Variants in OCIAD2 observed in about 807,000 individuals in gnomAD.
The protein encoded by OCIAD2 is OCIA domain containing 2.
In OCIAD2, 29 loss-of-function variants were observed where a neutral mutation model predicts 22.9. That is an observed-to-expected ratio of 1.27 (90% CI 0.94 to 1.73). The LOEUF (loss-of-function observed/expected upper bound fraction) is 1.73, where lower values mean the gene tolerates loss of function less well. Ranked by LOEUF, OCIAD2 falls within the 40% of genes most tolerant of loss-of-function variation. The pLI, the probability that OCIAD2 is intolerant of heterozygous loss-of-function variation, is 0.00. For missense variants in OCIAD2, 189 were observed against 180.3 expected, an observed-to-expected ratio of 1.05 and a Z score of -0.28; for synonymous variants, 67 against 60.2, an observed-to-expected ratio of 1.11 and a Z score of -0.52.
At position 48,885,557 on chromosome 4, in the gene OCIAD2, A is replaced by G; in HGVS notation, c.392T>C (p.Leu131Pro). Residue 131 changes from leucine to proline, a missense_variant, in exon 7 of 7, where the codon CTC becomes CCC. Transcript: ENST00000508632. Reference sequence around the variant, plus strand: ...TATTTTGCATTCCTCACAGGTAAGGAGGCAGTGCCTAGAAGAGAAGCAAAA... The same window carrying G: ...TATTTTGCATTCCTCACAGGTAAGGGGGCAGTGCCTAGAAGAGAAGCAAAA... ...GFGPQHNRHC[L>P]LTCEECKIKH... is the part of the protein sequence containing the mutation. The G allele has an allele frequency of 1.2e-6, 2 of 1,602,260 alleles. No individual in the cohort carries two copies. Among genetic ancestry groups the G allele is most frequent in the Non-Finnish European group, 1.7e-6 (2 of 1,169,256 alleles).
chr4:48,903,374 T>C lies in OCIAD2; in HGVS notation c.66+1110A>G, dbSNP rs7684655. Among the ~76,000 whole-genome samples the C allele has an allele frequency of 3.1e-3, 474 of 152,154 alleles. 1 individual carries two copies. The highest frequency in any genetic ancestry group is 0.011 in the African/African-American group (444 of 41,508). On this transcript the variant is annotated intron_variant, in intron 2 of 6. Transcript: ENST00000508632. ...AAATGTAAAAAAATAAGCAAAATATTGCCTGTAATCTCAGCACTTTGGGAG... is the reference window on the plus strand; with the variant it reads ...AAATGTAAAAAAATAAGCAAAATATCGCCTGTAATCTCAGCACTTTGGGAG...
At chr4:48,905,838 G>A (rs912066150) in intron 1 of OCIAD2, among the ~76,000 whole-genome samples, 16 of 152,146 alleles carry the variant, frequency 1.1e-4, no homozygotes, top group Non-Finnish European at 1.9e-4. Flanking sequence ...AGTTCAAATC[G>A]TGACTCTTTA....
In OCIAD2 at chr4:48,899,832, T is replaced by G. The variant is rs1781377820; in HGVS notation, c.160A>C (p.Arg54=). The change falls in exon 3 of 7, where the codon AGA becomes CGA. Residue 54 remains arginine, a synonymous_variant. Transcript: ENST00000508632. The part of the protein sequence containing the change: ...RECQEESFWK[R]ALPFSLVSML... ...ATACAGTGTTAGGTGCAATTACCTC[T>G]CTTCCAGAAACTTTCTTCCTGACAT... 8.1e-6 allele frequency: 13 copies of G among 1,610,462 alleles called. No homozygotes were observed. Among genetic ancestry groups the G allele is most frequent in the Non-Finnish European group, 1.1e-5 (13 of 1,177,332 alleles).
At chr4:48,906,337 C>G (rs2290516) in intron 1 of OCIAD2, among the ~76,000 whole-genome samples, 1 of 151,870 alleles carries the variant, frequency 6.6e-6, no homozygotes, top group African/African-American at 2.4e-5. Context: ...GCATGGGGGG[C>G]GGGGGTGCTT....
Position 48,888,139 on chromosome 4 carries a change from C to T in OCIAD2, c.384-2574G>A, listed in dbSNP as rs1303375775. Reference sequence around the variant, plus strand: ...TCACTCATGATTTGGCTCTCTGTTGCTTGTTGTTGGTGTATAAGAATGCTT... The same window carrying T: ...TCACTCATGATTTGGCTCTCTGTTGTTTGTTGTTGGTGTATAAGAATGCTT... On this transcript the variant is annotated intron_variant, in intron 6 of 6. Transcript: ENST00000508632. Among the ~76,000 whole-genome samples, 8 of 151,968 alleles carry T rather than the reference C, an allele frequency of 5.3e-5. No individual in the cohort carries two copies. In the East Asian group the frequency reaches 1.2e-3, roughly 22 times the overall value.
At chr4:48,894,439 G>A (rs1161242772) in intron 4 of OCIAD2, among the ~76,000 whole-genome samples, 3 of 152,230 alleles carry the variant, frequency 2.0e-5, no homozygotes, top group Non-Finnish European at 2.9e-5. Flanking sequence ...GTTGCAGTGA[G>A]CTGAGATGGC....
intron 6 of OCIAD2, among the ~76,000 whole-genome samples, chr4:48,886,360 C>A (rs1227205974): frequency 6.6e-6 from 1 of 152,190 alleles, no homozygotes; most frequent in African/African-American, 2.4e-5. Flanking sequence ...AATTATTACA[C>A]TTTAAGTTTT....
At chr4:48,896,356 G>A (rs1436229298) in intron 4 of OCIAD2, among the ~76,000 whole-genome samples, 2 of 152,068 alleles carry the variant, frequency 1.3e-5, no homozygotes, top group Non-Finnish European at 2.9e-5. Flanking sequence ...TTGGGAGGCT[G>A]AGGTGGGAGG....
intron 1 of OCIAD2, among the ~76,000 whole-genome samples, chr4:48,905,668 C>T (rs1781509350): frequency 1.3e-5 from 2 of 152,180 alleles, no homozygotes; most frequent in East Asian, 3.9e-4. Flanking sequence ...CAAAATGAAC[C>T]TCTTATATAC....
chr4:48,885,517 A>C lies in OCIAD2; in HGVS notation c.432T>G (p.Ser144Arg), dbSNP rs775207469. The change falls in exon 7 of 7, where the codon AGT (serine) becomes AGG (arginine). Residue 144 changes from serine (S) to arginine (R), a missense_variant. Physicochemically the swap from Ser to Arg is moderately radical, Grantham distance 110 (BLOSUM62 -1). Coordinates refer to ENST00000508632, the MANE Select transcript of OCIAD2 (RefSeq NM_001014446.3). ...CEECKIKHGL[S>R]EKGDSQPSAS ...CTGAAGGCTGAGAGTCTCCCTTCTC[A>C]CTTAATCCATGCTTTATTTTGCATT... is the stretch of plus-strand genomic sequence containing the variant. The C allele has an allele frequency of 1.2e-6, 2 of 1,611,688 alleles. No homozygotes were observed. Among genetic ancestry groups the C allele is most frequent in the East Asian group, 4.5e-5 (2 of 44,862 alleles).
In OCIAD2 at chr4:48,904,708, G is replaced by GT. The variant is rs1270350924; in HGVS notation, c.-62-98dup. 21 of 696,874 alleles carry GT rather than the reference G, an allele frequency of 3.0e-5. No homozygotes were observed. In the East Asian group the frequency reaches 5.1e-4, roughly 17 times the overall value. The allele number at this position is 696,874 out of a possible 1,614,324, so 43.2% of individuals were successfully genotyped here. A position where few individuals can be genotyped will look rare whatever the true frequency, so the allele number is the denominator to read the frequency against. Reference sequence around the variant, plus strand: ...TCCACTGGAGTTATTTGGAAAATGTGTTTTTCCTTTTGTCATTAGTCCATC... The same window carrying GT: ...TCCACTGGAGTTATTTGGAAAATGTGTTTTTTCCTTTTGTCATTAGTCCATC... On this transcript the variant is annotated intron_variant, in intron 1 of 6. Transcript: ENST00000508632.
chr4:48,885,365 G>T lies in OCIAD2; in HGVS notation c.*119C>A. ...AGCCTTCCACGGAATACATTTCAGT[G>T]AGTGACAGACACAATGTTTTTGTTC... On this transcript the variant is annotated 3_prime_UTR_variant, in exon 7 of 7. Coordinates refer to ENST00000508632, the MANE Select transcript of OCIAD2 (RefSeq NM_001014446.3). The T allele has an allele frequency of 1.4e-6, 1 of 710,344 alleles. No homozygotes were observed. The highest frequency in any genetic ancestry group is 2.5e-6 in the Non-Finnish European group (1 of 392,740). 44.0% of individuals were successfully genotyped at this position (710,344 alleles called of 1,614,324 possible). A position where few individuals can be genotyped will look rare whatever the true frequency, so the allele number is the denominator to read the frequency against.
chr4:48,887,656 G>A (rs1296756003), intron 6 of OCIAD2, among the ~76,000 whole-genome samples: 1 of 152,138 alleles, frequency 6.6e-6, no homozygotes, highest in Admixed American at 6.5e-5. Flanking sequence ...TAGATATGCG[G>A]CATTATTTCT....
At chr4:48,886,360 C>G (rs1227205974) in intron 6 of OCIAD2, among the ~76,000 whole-genome samples, 1 of 152,190 alleles carries the variant, frequency 6.6e-6, no homozygotes, top group Non-Finnish European at 1.5e-5. Context: ...AATTATTACA[C>G]TTTAAGTTTT....
intron 4 of OCIAD2, 75 bp downstream of exon 4, chr4:48,897,729 C>T: frequency 8.9e-7 from 1 of 1,119,530 alleles, no homozygotes. Flanking sequence ...ATGTCAAGGG[C>T]CAAAAAGCTG....
chr4:48,888,884 A>G (rs1781076476), intron 6 of OCIAD2, among the ~76,000 whole-genome samples: 1 of 151,984 alleles, frequency 6.6e-6, no homozygotes, highest in Non-Finnish European at 1.5e-5. Context: ...CTCTTTTTCT[A>G]TTGATTGGAA....
Position 48,904,588 on chromosome 4 carries a change from T to C in OCIAD2, c.-39A>G, listed in dbSNP as rs751923472. On this transcript the variant is annotated 5_prime_UTR_variant, in exon 2 of 7. Coordinates refer to ENST00000508632, the MANE Select transcript of OCIAD2 (RefSeq NM_001014446.3). ...TTGCTCTCCTTCCAGTTGTTTATCC[T>C]CTGCTTACTCCTTGACCCAGTGTCT... 3 of 1,575,160 alleles carry C rather than the reference T, an allele frequency of 1.9e-6. No homozygotes were observed. The highest frequency in any genetic ancestry group is 4.5e-5 in the East Asian group (2 of 44,674).
At chr4:48,905,734 C>G (rs560635044) in intron 1 of OCIAD2, among the ~76,000 whole-genome samples, 1 of 152,212 alleles carries the variant, frequency 6.6e-6, no homozygotes, top group Non-Finnish European at 1.5e-5. Context: ...CAAGGGGACC[C>G]GTACTCGCAC....
chr4:48,895,290 C>T (rs905448606), intron 4 of OCIAD2, among the ~76,000 whole-genome samples: 8 of 152,122 alleles, frequency 5.3e-5, no homozygotes, highest in African/African-American at 1.9e-4. Flanking sequence ...TTATAGAAAA[C>T]TGATATCAAA....
Sources: allele counts gnomAD v4.1 joint callset (sites outside exome capture counted in the v4.1 genomes callset), GRCh38; gene constraint gnomAD v4.1.1; transcripts MANE v1.5; gene names NCBI Gene and HGNC (gene_info 2026-07-23, HGNC 2026-07-21).